CBFA2T3: variants seen among roughly 807,000 people sequenced by gnomAD.
CBFA2T3 encodes transcriptional corepressor CBFA2T3.
In CBFA2T3, 31 loss-of-function variants were observed where a neutral mutation model predicts 58.6. The ratio of observed to expected loss-of-function variants is 0.53; its 90% CI spans 0.40 to 0.71. The LOEUF (loss-of-function observed/expected upper bound fraction) is 0.71, where lower values mean the gene tolerates loss of function less well. Among genes scored for constraint, CBFA2T3 ranks in the 30% least tolerant of loss-of-function variants. CBFA2T3 has a pLI of 0.00. For missense variants in CBFA2T3, 1,076 were observed against 963.1 expected, an observed-to-expected ratio of 1.12 and a Z score of -1.55; for synonymous variants, 531 against 421.9, an observed-to-expected ratio of 1.26 and a Z score of -3.17.
At chr16:88,879,520 C>A (rs1968980251) in intron 10 of CBFA2T3, 60 bp from the exon 11 acceptor site, 1 of 1,514,084 alleles carries the variant, frequency 6.6e-7, no homozygotes. Context: ...GGTCTCTGGA[C>A]TTCCTACGCG....
chr16:88,906,251 G>C (rs74541677), intron 1 of CBFA2T3, among the ~76,000 whole-genome samples: 2,021 of 152,180 alleles, frequency 0.013, 44 homozygotes, highest in African/African-American at 0.047. Context: ...TCCTTCCTAG[G>C]TGCCTGGCTT....
intron 1 of CBFA2T3, among the ~76,000 whole-genome samples, chr16:88,944,003 T>G (rs927242389): frequency 7.2e-5 from 11 of 152,064 alleles, no homozygotes; most frequent in Admixed American, 2.6e-4. Flanking sequence ...GAGCTCCCAG[T>G]GTGTCGCTGT....
intron 1 of CBFA2T3, among the ~76,000 whole-genome samples, chr16:88,908,341 C>CAAA (rs758798172): frequency 1.0e-4 from 13 of 129,004 alleles, no homozygotes; most frequent in African/African-American, 2.8e-4. Context: ...GACTCTGTTT[C>CAAA]AAAAAAAAAA....
intron 8 of CBFA2T3, among the ~76,000 whole-genome samples, 195 bp downstream of exon 8, chr16:88,882,477 CTGTG>C (rs200430141): frequency 6.8e-5 from 9 of 131,642 alleles, no homozygotes; most frequent in Non-Finnish European, 1.1e-4. Context: ...GTGGGGGTGG[CTGTG>C]TGTGACTGCA....
At chr16:88,940,959 G>C in intron 1 of CBFA2T3, 1 of 845,034 alleles carries the variant, frequency 1.2e-6, no homozygotes, top group Non-Finnish European at 1.4e-6. Context: ...TCCGGGAACG[G>C]CAGCCGCGGG....
At chr16:88,911,668 G>A (rs921141828) in intron 1 of CBFA2T3, among the ~76,000 whole-genome samples, 3 of 152,268 alleles carry the variant, frequency 2.0e-5, no homozygotes, top group Non-Finnish European at 4.4e-5. Context: ...ATGAGCTCAC[G>A]AAAAGCGTCT....
chr16:88,881,629 G>A (rs963111182), intron 8 of CBFA2T3, 140 bp from the exon 9 acceptor site: 4 of 808,390 alleles, frequency 4.9e-6, no homozygotes, highest in Non-Finnish European at 5.7e-6. Context: ...GGGTGAGGGA[G>A]GGCCCACCTC....
At chr16:88,882,305 G>C (rs912833276) in intron 8 of CBFA2T3, among the ~76,000 whole-genome samples, 1 of 152,118 alleles carries the variant, frequency 6.6e-6, no homozygotes, top group East Asian at 1.9e-4. Flanking sequence ...GCTGTGTGGG[G>C]ACATGGCTGT....
chr16:88,908,160 G>A (rs1970401111), intron 1 of CBFA2T3, among the ~76,000 whole-genome samples: 1 of 152,156 alleles, frequency 6.6e-6, no homozygotes, highest in Non-Finnish European at 1.5e-5. Flanking sequence ...TGGCCAACAT[G>A]GTGAAACCCC....
intron 1 of CBFA2T3, among the ~76,000 whole-genome samples, chr16:88,915,167 G>A (rs1181941793): frequency 2.1e-5 from 3 of 142,034 alleles, no homozygotes; most frequent in Non-Finnish European, 3.1e-5. Flanking sequence ...TTGAGGATCC[G>A]TGTGCTGGGG....
intron 1 of CBFA2T3, among the ~76,000 whole-genome samples, chr16:88,927,713 T>A (rs148484451): frequency 1.3e-5 from 2 of 151,998 alleles, no homozygotes; most frequent in African/African-American, 4.8e-5. Context: ...CCCTTCCGCC[T>A]CCTCCTCCCC....
intron 1 of CBFA2T3, among the ~76,000 whole-genome samples, chr16:88,916,546 G>C: frequency 6.6e-6 from 1 of 151,978 alleles, no homozygotes; most frequent in African/African-American, 2.4e-5. Context: ...TGTGACCTCA[G>C]GGATGGCTGC....
At chr16:88,966,031 C>T (rs1567638767) in intron 1 of CBFA2T3, among the ~76,000 whole-genome samples, 1 of 152,192 alleles carries the variant, frequency 6.6e-6, no homozygotes. Flanking sequence ...AGCATGGGTG[C>T]ATACAGAGTT....
At chr16:88,945,016 G>C (rs1971866983) in intron 1 of CBFA2T3, among the ~76,000 whole-genome samples, 1 of 152,214 alleles carries the variant, frequency 6.6e-6, no homozygotes, top group Admixed American at 6.5e-5. Context: ...TCAGAAAATA[G>C]TTCTGAGCAC....
intron 1 of CBFA2T3, among the ~76,000 whole-genome samples, chr16:88,971,861 A>G (rs1320597284): frequency 6.6e-6 from 1 of 152,188 alleles, no homozygotes; most frequent in East Asian, 1.9e-4. Flanking sequence ...TCCCCGGTCA[A>G]CTGCAGTCAC....
At chr16:88,945,218 TA>T (rs1198214480) in intron 1 of CBFA2T3, among the ~76,000 whole-genome samples, 1 of 152,212 alleles carries the variant, frequency 6.6e-6, no homozygotes, top group East Asian at 1.9e-4. Context: ...AAACTCGTCT[TA>T]AACACCTGCA....
intron 1 of CBFA2T3, among the ~76,000 whole-genome samples, chr16:88,933,768 G>T (rs977545477): frequency 5.8e-5 from 8 of 137,246 alleles, no homozygotes; most frequent in African/African-American, 2.0e-4. Context: ...ACGCCTCACA[G>T]TGCCACACGT....
rs1969420086 is a variant in CBFA2T3, at chr16:88,887,352, C to T, written c.712-1210G>A. 3.9e-5 allele frequency among the ~76,000 whole-genome samples: 6 copies of T among 152,220 alleles called. No homozygotes were observed. The South Asian group carries it at 1.2e-3, about 32-fold the overall frequency. Reference sequence around the variant, plus strand: ...GTCTGAGGAGCCAAACATCCTCCCTCCCTCATCAGCCCCTCCCCAGGGGCC... The same window carrying T: ...GTCTGAGGAGCCAAACATCCTCCCTTCCTCATCAGCCCCTCCCCAGGGGCC... On this transcript the variant is annotated intron_variant, in intron 5 of 11. Transcript: ENST00000268679.
chr16:88,945,487 A>G (rs2142824608), intron 1 of CBFA2T3, among the ~76,000 whole-genome samples: 1 of 152,378 alleles, frequency 6.6e-6, no homozygotes, highest in Admixed American at 6.5e-5. Flanking sequence ...AAACAGCCCC[A>G]TTAAAAATGA....
Sources: gnomAD v4.1 joint callset for allele counts (sites outside exome capture counted in the v4.1 genomes callset) on GRCh38, gnomAD v4.1.1 for gene constraint, MANE v1.5 for transcripts, NCBI Gene and HGNC (gene_info 2026-07-23, HGNC 2026-07-21) for gene names.